The following CPEB4 variants were observed in gnomAD, a reference collection of about 807,000 sequenced individuals.
CPEB4 encodes the protein cytoplasmic polyadenylation element binding protein 4.
A neutral mutation model predicts 72.5 loss-of-function variants in CPEB4; 12 were observed. That is an observed-to-expected ratio of 0.17 (90% CI 0.11 to 0.27). CPEB4 has a LOEUF of 0.27. Ranked by LOEUF, CPEB4 falls within the 10% of genes least tolerant of loss-of-function variation. CPEB4 has a pLI of 1.00. For missense variants in CPEB4, 614 were observed against 908.5 expected, an observed-to-expected ratio of 0.68 and a Z score of 4.17; for synonymous variants, 302 against 326.3, an observed-to-expected ratio of 0.93 and a Z score of 0.80.
At chr5:173,930,710 CG>C (rs1248048699) in intron 2 of CPEB4, among the ~76,000 whole-genome samples, 3 of 151,942 alleles carry the variant, frequency 2.0e-5, no homozygotes, top group African/African-American at 7.3e-5. Flanking sequence ...AATTGGCAGC[CG>C]GGCGCAGTGG....
rs889985440 is a variant in CPEB4, at chr5:173,950,536, C to T, written c.1665+458C>T. ...AGGACAATCACCTGAACCCAGGAGG[C>T]GGAGGTTGCAGTGAGCAGAGATTGC... On this transcript the variant is annotated intron_variant, in intron 7 of 9. Transcript: ENST00000265085. This position sits in a 1 kb window ranked among gnomAD's most constrained non-coding sequence, Gnocchi z 5.0. 2.0e-5 allele frequency among the ~76,000 whole-genome samples: 3 copies of T among 151,896 alleles called. No individual in the cohort carries two copies. Among genetic ancestry groups the T allele is most frequent in the Non-Finnish European group, 4.4e-5 (3 of 67,998 alleles).
At chr5:173,894,054 A>G (rs139744173) in intron 1 of CPEB4, among the ~76,000 whole-genome samples, 28 of 152,270 alleles carry the variant, frequency 1.8e-4, no homozygotes, top group Non-Finnish European at 1.2e-4. Flanking sequence ...GTGCAGTGGC[A>G]TAATCACAGC....
rs533105915 is a variant in CPEB4 at position 173,959,539 on chromosome 5, A to T, written c.*3402A>T. The T allele has an allele frequency of 6.5e-6, 1 of 152,884 alleles. No homozygotes were observed. The highest frequency in any genetic ancestry group is 1.9e-4 in the East Asian group (1 of 5,328). The allele number at this position is 152,884 out of a possible 1,614,324, so 9.5% of individuals were successfully genotyped here. On this transcript the variant is annotated 3_prime_UTR_variant, in exon 10 of 10. Transcript: ENST00000265085. Reference sequence around the variant, plus strand: ...AAGTTAACTTCAAGTTATGTGCAATACTTATTTCAAACTTTTGAAAGATCT... The same window carrying T: ...AAGTTAACTTCAAGTTATGTGCAATTCTTATTTCAAACTTTTGAAAGATCT...
chr5:173,951,231 CAGTT>C (rs1296091960), intron 7 of CPEB4, among the ~76,000 whole-genome samples: 1 of 152,020 alleles, frequency 6.6e-6, no homozygotes, highest in Non-Finnish European at 1.5e-5. Flanking sequence ...GCATTTGTGA[CAGTT>C]AGAAAATGTG....
intron 1 of CPEB4, among the ~76,000 whole-genome samples, chr5:173,909,453 G>A (rs905835663): frequency 6.6e-5 from 10 of 151,986 alleles, no homozygotes; most frequent in Admixed American, 1.3e-4. Flanking sequence ...AGAAAGCCTC[G>A]TGACAGTAAT....
chr5:173,896,209 A>G (rs1756004705), intron 1 of CPEB4, among the ~76,000 whole-genome samples: 1 of 152,228 alleles, frequency 6.6e-6, no homozygotes, highest in Non-Finnish European at 1.5e-5. Flanking sequence ...CACATAAGAT[A>G]ATGTGAATAA....
Position 173,959,434 on chromosome 5 carries a change from G to A in CPEB4, c.*3297G>A, listed in dbSNP as rs1439819943. On this transcript the variant is annotated 3_prime_UTR_variant, in exon 10 of 10. Coordinates refer to ENST00000265085, the MANE Select transcript of CPEB4 (RefSeq NM_030627.4). ...TATGAGAGTGCTGTTGGAAAGACTT[G>A]ATAATTCACCCCTTTTGTTTTGAAG... 2 of 152,710 alleles carry A rather than the reference G, an allele frequency of 1.3e-5. No homozygotes were observed. The highest frequency in any genetic ancestry group is 4.8e-5 in the African/African-American group (2 of 41,426). The allele number at this position is 152,710 out of a possible 1,614,324, so 9.5% of individuals were successfully genotyped here.
chr5:173,902,061 A>G (rs1207297704), intron 1 of CPEB4, among the ~76,000 whole-genome samples: 1 of 152,194 alleles, frequency 6.6e-6, no homozygotes, highest in African/African-American at 2.4e-5. Flanking sequence ...ATGATCTGTG[A>G]ATTTACATAT....
intron 3 of CPEB4, among the ~76,000 whole-genome samples, chr5:173,936,821 T>G (rs867995379): frequency 6.6e-6 from 1 of 151,964 alleles, no homozygotes; most frequent in Non-Finnish European, 1.5e-5. Flanking sequence ...ATACTTTTTT[T>G]TTTTTTTTCT....
intron 3 of CPEB4, among the ~76,000 whole-genome samples, chr5:173,933,347 G>A (rs1277325762): frequency 6.6e-6 from 1 of 152,164 alleles, no homozygotes; most frequent in African/African-American, 2.4e-5. Context: ...ATTTTAGTAT[G>A]TTGTGAATGA....
intron 3 of CPEB4, among the ~76,000 whole-genome samples, chr5:173,939,956 C>CAAAAAAAAAA (rs35154045): frequency 2.9e-5 from 2 of 68,374 alleles, no homozygotes; most frequent in Admixed American, 1.6e-4. Flanking sequence ...TAATAAAATA[C>CAAAAAAAAAA]AAAAAAAAAA....
chr5:173,907,079 C>G (rs977043734), intron 1 of CPEB4, among the ~76,000 whole-genome samples: 1 of 152,054 alleles, frequency 6.6e-6, no homozygotes, highest in Admixed American at 6.5e-5. Context: ...CCATCCTGGC[C>G]AACATAGTGA....
chr5:173,921,649 A>G (rs1415191812), intron 2 of CPEB4, among the ~76,000 whole-genome samples: 6 of 152,204 alleles, frequency 3.9e-5, no homozygotes, highest in Admixed American at 3.9e-4. Flanking sequence ...GTTGTATAAC[A>G]TGGCAGTTCT....
intron 4 of CPEB4, 81 bp downstream of exon 4, chr5:173,943,130 G>T: frequency 7.3e-7 from 1 of 1,365,386 alleles, no homozygotes; most frequent in Non-Finnish European, 1.0e-6. Flanking sequence ...CCTTTGTGGG[G>T]AAGGGGAGAG....
chr5:173,948,599 G>C (rs1758115155), intron 5 of CPEB4, among the ~76,000 whole-genome samples: 1 of 152,138 alleles, frequency 6.6e-6, no homozygotes, highest in Non-Finnish European at 1.5e-5. Flanking sequence ...TCATAGGAGG[G>C]AGAGCACAGA....
chr5:173,942,398 C>G (rs1200992357), intron 3 of CPEB4, among the ~76,000 whole-genome samples: 1 of 152,182 alleles, frequency 6.6e-6, no homozygotes, highest in African/African-American at 2.4e-5. Context: ...TTATTAATTA[C>G]CTTTACTTTG....
At position 173,950,639 on chromosome 5, in the gene CPEB4, A is replaced by C. The variant is rs1024239853; in HGVS notation, c.1665+561A>C. Reference sequence around the variant, plus strand: ...AAAATAAAATAAAATAAAATAAAAAACCAGACTTCATTTGATAATGCATTT... The same window carrying C: ...AAAATAAAATAAAATAAAATAAAAACCCAGACTTCATTTGATAATGCATTT... On this transcript the variant is annotated intron_variant, in intron 7 of 9. Transcript: ENST00000265085. This position sits in a 1 kb window ranked among gnomAD's most constrained non-coding sequence, Gnocchi z 5.0. Among the ~76,000 whole-genome samples the C allele has an allele frequency of 1.3e-5, 2 of 152,028 alleles. No individual in the cohort carries two copies. Among genetic ancestry groups the C allele is most frequent in the East Asian group, 3.9e-4 (2 of 5,190 alleles).
intron 1 of CPEB4, among the ~76,000 whole-genome samples, chr5:173,894,041 G>A (rs940609224): frequency 2.0e-5 from 3 of 152,142 alleles, no homozygotes; most frequent in Non-Finnish European, 4.4e-5. Context: ...CACTCAGGCT[G>A]GAGTGCAGTG....
intron 9 of CPEB4, among the ~76,000 whole-genome samples, chr5:173,954,350 G>C (rs1399632926): frequency 6.6e-6 from 1 of 152,114 alleles, no homozygotes; most frequent in Non-Finnish European, 1.5e-5. Context: ...GCATGGGGGA[G>C]GGACAAGATT....
Sources: allele counts gnomAD v4.1 joint callset (sites outside exome capture counted in the v4.1 genomes callset), GRCh38; gene constraint gnomAD v4.1.1; non-coding constraint Gnocchi (gnomAD v3.1); transcripts MANE v1.5; gene names NCBI Gene and HGNC (gene_info 2026-07-23, HGNC 2026-07-21).